The following FN1 variants were observed in gnomAD, a reference collection of about 807,000 sequenced individuals.
FN1 encodes fibronectin 1.
Under a neutral mutation model 297.3 loss-of-function variants are expected in FN1, and 106 were observed. The ratio of observed to expected loss-of-function variants is 0.36; its 90% CI spans 0.30 to 0.42. The LOEUF is 0.42. FN1 is among the 10% of genes least tolerant of loss of function. FN1 has a pLI of 1.00. For synonymous variants in FN1, 1,149 were observed against 1,152.6 expected, an observed-to-expected ratio of 1.00 and a Z score of 0.06; for missense variants, 2,690 against 3,124.9, an observed-to-expected ratio of 0.86 and a Z score of 3.32.
At chr2:215,379,415 G>T in intron 33 of FN1, 98 bp from the exon 34 acceptor site, 1 of 1,080,796 alleles carries the variant, frequency 9.3e-7, no homozygotes, top group Non-Finnish European at 1.4e-6. Context: ...GTTCTTGTTG[G>T]GCTAGGTGGG....
At chr2:215,378,298 T>C (rs752583719) in intron 34 of FN1, 36 bp from the exon 35 acceptor site, 1 of 1,160,418 alleles carries the variant, frequency 8.6e-7, no homozygotes, top group Non-Finnish European at 1.3e-6. Context: ...TTTAGCAACG[T>C]CCTCAACTGA....
chr2:215,375,266 G>A lies in FN1; in HGVS notation c.6105C>T (p.Pro2035=), dbSNP rs1261769884. 1 of 1,614,028 alleles carries A rather than the reference G, an allele frequency of 6.2e-7. No homozygotes were observed. Among genetic ancestry groups the A allele is most frequent in the Non-Finnish European group, 8.5e-7 (1 of 1,180,020 alleles). The change falls in exon 38 of 46, where the codon CCC becomes CCT. Residue 2035 remains proline (P), a synonymous_variant. Coordinates refer to ENST00000354785, the MANE Select transcript of FN1 (RefSeq NM_212482.4). ...GGCGGGGCCGAGGGACCACTTCTCTGGGAGGAGACCCAGGCTTCTCATACT... is the reference window on the plus strand; with the variant it reads ...GGCGGGGCCGAGGGACCACTTCTCTAGGAGGAGACCCAGGCTTCTCATACT... ...IIKYEKPGSP[P]REVVPRPRPG... is the part of the protein sequence containing the mutation.
intron 13 of FN1, among the ~76,000 whole-genome samples, chr2:215,413,772 A>C (rs1437795): frequency 0.33 from 50,923 of 152,148 alleles, 9,927 homozygotes; most frequent in South Asian, 0.53. Flanking sequence ...ATGGAAGATA[A>C]ACTGCCTAAA....
chr2:215,370,669 G>A (rs1348016988), intron 40 of FN1: 1 of 514,260 alleles, frequency 1.9e-6, no homozygotes, highest in East Asian at 3.6e-5. Flanking sequence ...CTACCTACGT[G>A]CTCCGTAGTT....
intron 12 of FN1, among the ~76,000 whole-genome samples, chr2:215,417,592 C>T (rs1183563430): frequency 2.0e-5 from 3 of 152,104 alleles, no homozygotes; most frequent in African/African-American, 7.2e-5. Context: ...CTGCTGTTCC[C>T]TTATTCTCAC....
chr2:215,432,933 T>C (rs1250243), intron 3 of FN1, among the ~76,000 whole-genome samples: 41,603 of 152,076 alleles, frequency 0.27, 7,249 homozygotes, highest in East Asian at 0.92. Flanking sequence ...TCACTCTTCA[T>C]GAACACCTTC....
chr2:215,419,103 T>C (rs2063834502), intron 12 of FN1, 139 bp downstream of exon 12: 2 of 687,300 alleles, frequency 2.9e-6, no homozygotes, highest in Non-Finnish European at 5.1e-6. Context: ...AAAAATTCAA[T>C]TGATTATTAG....
Position 215,371,917 on chromosome 2 carries a change from G to T in FN1, c.6706C>A (p.Pro2236Thr). Residue 2236 changes from proline (P) to threonine (T), a missense_variant, in exon 40 of 46, where the codon CCC becomes ACC. Around this residue, in one of 3 missense-constraint regions of FN1, gnomAD observed 1,743 missense variants for 1,945.2 expected, o/e 0.90. Coordinates refer to ENST00000354785, the MANE Select transcript of FN1 (RefSeq NM_212482.4). ...SCHPVGTDEE[P>T]LQFRVPGTST... ...AGAGAACAATTAATTACCTGTAAGG[G>T]TTCTTCATCAGTGCCAACAGGATGA... 6.2e-7 allele frequency: 1 copy of T among 1,612,430 alleles called. No homozygotes were observed. The highest frequency in any genetic ancestry group is 8.5e-7 in the Non-Finnish European group (1 of 1,178,460).
chr2:215,406,567 A>G, intron 18 of FN1, 57 bp from the exon 19 acceptor site: 2 of 1,578,082 alleles, frequency 1.3e-6, no homozygotes, highest in Non-Finnish European at 1.7e-6. Context: ...TACTTTTAAG[A>G]AGCCAGTTTC....
At chr2:215,376,377 T>A (rs1023420519) in intron 36 of FN1, 121 bp downstream of exon 36, 32 of 892,282 alleles carry the variant, frequency 3.6e-5, no homozygotes, top group Non-Finnish European at 5.6e-5. Context: ...GTTCTAAAAC[T>A]GGGTTATGAT....
intron 31 of FN1, among the ~76,000 whole-genome samples, chr2:215,383,016 T>TC (rs796672785): frequency 4.3e-4 from 65 of 151,676 alleles, no homozygotes; most frequent in African/African-American, 1.4e-3. Context: ...TTTTTTTTTT[T>TC]CCCTGAGATG....
rs760416846 is a variant in FN1 at position 215,361,642 on chromosome 2, A to T, written c.7363-16T>A. 3.8e-6 allele frequency: 6 copies of T among 1,596,836 alleles called. No individual in the cohort carries two copies. The highest frequency in any genetic ancestry group is 1.3e-5 in the African/African-American group (1 of 74,682). On this transcript the variant is annotated splice_polypyrimidine_tract_variant and intron_variant, in intron 45 of 45. Transcript: ENST00000354785. ...AATTAACATTCTGTTAAAAAGGAAG[A>T]AGGAAAAAAAAATTAGTGGCAAATA...
At chr2:215,398,632 T>C (rs913610106) in intron 21 of FN1, among the ~76,000 whole-genome samples, 3 of 152,220 alleles carry the variant, frequency 2.0e-5, no homozygotes, top group Admixed American at 1.3e-4. Flanking sequence ...GATTGAGTCA[T>C]GATTTCCAGC....
intron 33 of FN1, chr2:215,380,408 C>T (rs1021023922): frequency 4.3e-6 from 1 of 231,108 alleles, no homozygotes; most frequent in Non-Finnish European, 8.6e-6. Flanking sequence ...AGGTCTTACC[C>T]ACGTGTGCTC....
intron 26 of FN1, among the ~76,000 whole-genome samples, chr2:215,388,925 C>T (rs923294057): frequency 1.3e-5 from 2 of 152,120 alleles, no homozygotes; most frequent in Non-Finnish European, 2.9e-5. Flanking sequence ...CTTTAATTTA[C>T]TTGCCCAGGA....
At chr2:215,409,899 G>A (rs367748772) in intron 14 of FN1, 35 bp downstream of exon 14, 49 of 1,612,114 alleles carry the variant, frequency 3.0e-5, no homozygotes, top group African/African-American at 6.7e-5. Context: ...TAGGAACCTC[G>A]GGGGTAGGAG....
intron 15 of FN1, among the ~76,000 whole-genome samples, chr2:215,408,790 G>A (rs765381861): frequency 2.0e-5 from 3 of 152,066 alleles, no homozygotes; most frequent in Admixed American, 6.5e-5. Flanking sequence ...GGCTGATCTC[G>A]AACTCCTGGC....
rs71428382 is a variant in FN1 at position 215,394,756 on chromosome 2, G to A, written c.3605-37C>T. 0.089 allele frequency: 133,671 copies of A among 1,496,968 alleles called. 6,844 individuals are homozygous for A. Among genetic ancestry groups the A allele is most frequent in the Non-Finnish European group, 0.11 (116,071 of 1,075,300 alleles). The allele number at this position is 1,496,968 out of a possible 1,614,324, so 92.7% of individuals were successfully genotyped here. A position where few individuals can be genotyped will look rare whatever the true frequency, so the allele number is the denominator to read the frequency against. ...AGAAAAGGGAAGTTATTGCACAGAG[G>A]ATCTGTGAGCCAGAGCATATTTAAC... On this transcript the variant is annotated intron_variant, in intron 23 of 45. Coordinates refer to ENST00000354785, the MANE Select transcript of FN1 (RefSeq NM_212482.4).
chr2:215,384,395 G>A (rs571226516), intron 29 of FN1: 9 of 577,082 alleles, frequency 1.6e-5, no homozygotes, highest in East Asian at 5.9e-5. Flanking sequence ...TACAGTTAGC[G>A]CTGTTTTAAC....
Sources: gnomAD v4.1 joint callset for allele counts (sites outside exome capture counted in the v4.1 genomes callset) on GRCh38, gnomAD v4.1.1 for gene constraint, gnomAD v4.1.1 regional missense constraint, MANE v1.5 for transcripts, NCBI Gene and HGNC (gene_info 2026-07-23, HGNC 2026-07-21) for gene names.